The following CFAP20 variants were observed in gnomAD, a reference collection of about 807,000 sequenced individuals.
The protein encoded by CFAP20 is cilia- and flagella-associated protein 20.
Under a neutral mutation model 25.5 loss-of-function variants are expected in CFAP20, and 14 were observed. That is an observed-to-expected ratio of 0.55 (90% confidence interval 0.36 to 0.86). The LOEUF is 0.86. Among genes scored for constraint, CFAP20 ranks in the 40% least tolerant of loss-of-function variants. The pLI is 0.01. For missense variants in CFAP20, 181 were observed against 248.0 expected (o/e 0.73, Z 1.81); for synonymous variants, 75 against 91.1 (o/e 0.82, Z 1.01).
At chr16:58,116,407 A>G (rs995713687) in intron 2 of CFAP20, among the ~76,000 whole-genome samples, 1 of 152,190 alleles carries the variant, frequency 6.6e-6, no homozygotes, top group African/African-American at 2.4e-5. Context: ...TGGATCTTAG[A>G]AGCTCCTCCA....
intron 1 of CFAP20, among the ~76,000 whole-genome samples, chr16:58,118,101 T>C (rs1376111668): frequency 6.6e-6 from 1 of 152,226 alleles, no homozygotes; most frequent in Non-Finnish European, 1.5e-5. Flanking sequence ...CCTCTCAAAA[T>C]ATTTAGGAAA....
intron 1 of CFAP20, among the ~76,000 whole-genome samples, chr16:58,121,346 G>A (rs1960532078): frequency 6.6e-6 from 1 of 152,172 alleles, no homozygotes; most frequent in Non-Finnish European, 1.5e-5. Flanking sequence ...TTGGGATGAA[G>A]ATAAAATGAA....
intron 3 of CFAP20, 136 bp downstream of exon 3, chr16:58,115,905 C>A: frequency 1.6e-6 from 1 of 613,376 alleles, no homozygotes. Context: ...AAGGACTGCA[C>A]TGGGCTTATA....
At chr16:58,125,497 C>A (rs1960599503) in intron 1 of CFAP20, among the ~76,000 whole-genome samples, 1 of 152,052 alleles carries the variant, frequency 6.6e-6, no homozygotes, top group Admixed American at 6.6e-5. Context: ...CCAGCCTGGG[C>A]AACATGGAGA....
At chr16:58,128,862 C>T (rs1245876278) in intron 1 of CFAP20, among the ~76,000 whole-genome samples, 170 bp downstream of exon 1, 1 of 129,622 alleles carries the variant, frequency 7.7e-6, no homozygotes, top group Non-Finnish European at 1.7e-5. Context: ...GCTGCTTACA[C>T]GACGCCCCCA....
intron 1 of CFAP20, among the ~76,000 whole-genome samples, chr16:58,122,195 G>T (rs1458161260): frequency 1.3e-5 from 2 of 152,236 alleles, no homozygotes; most frequent in African/African-American, 4.8e-5. Context: ...TATCCAGACA[G>T]CAGACAAGCA....
At position 58,128,895 on chromosome 16, in the gene CFAP20, G is replaced by C. The variant is rs1960664494; in HGVS notation, c.84+137C>G. 5.2e-5 allele frequency: 31 copies of C among 594,766 alleles called. 1 individual carries two copies. The highest frequency in any genetic ancestry group is 6.9e-5 in the Non-Finnish European group (31 of 449,144). 36.8% of individuals were successfully genotyped at this position (594,766 alleles called of 1,614,324 possible). A position where few individuals can be genotyped will look rare whatever the true frequency, so the allele number is the denominator to read the frequency against. On this transcript the variant is annotated intron_variant, in intron 1 of 5. Transcript: ENST00000262498. ...CCACCTCGCGCCCCAGTCCCGCCAG[G>C]CTGGGGACAAGGCACAGCAGCGTCC...
Position 58,123,357 on chromosome 16 carries a change from G to A in CFAP20, c.84+5675C>T, listed in dbSNP as rs1320772753. On this transcript the variant is annotated intron_variant, in intron 1 of 5. Coordinates refer to ENST00000262498, the MANE Select transcript of CFAP20 (RefSeq NM_013242.3). ...CACGCCTGTAATCCCAACACTTTGG[G>A]AGGCCAAGGCAGGCGGATCACGAGG... Among the ~76,000 whole-genome samples, 6 of 146,700 alleles carry A rather than the reference G, an allele frequency of 4.1e-5. No individual in the cohort carries two copies. In the East Asian group the frequency reaches 1.2e-3, roughly 31 times the overall value.
chr16:58,119,725 T>C (rs958458536), intron 1 of CFAP20, among the ~76,000 whole-genome samples: 5 of 152,244 alleles, frequency 3.3e-5, no homozygotes, highest in Non-Finnish European at 7.3e-5. Flanking sequence ...CACAAAGGCC[T>C]GGGTCTGTGC....
chr16:58,122,289 C>T (rs1455044278), intron 1 of CFAP20, among the ~76,000 whole-genome samples: 1 of 152,172 alleles, frequency 6.6e-6, no homozygotes, highest in Admixed American at 6.5e-5. Context: ...TAATTAAAAC[C>T]CATGTCTTCG....
intron 2 of CFAP20, 143 bp downstream of exon 2, chr16:58,116,729 A>T (rs1597086542): frequency 1.5e-6 from 1 of 667,466 alleles, no homozygotes; most frequent in East Asian, 2.7e-5. Flanking sequence ...TGGGGGATTC[A>T]GTAACTTGCC....
rs1021356739 is a variant in CFAP20 at position 58,113,984 on chromosome 16, G to A, written c.*41C>T. On this transcript the variant is annotated 3_prime_UTR_variant, in exon 6 of 6. Coordinates refer to ENST00000262498, the MANE Select transcript of CFAP20 (RefSeq NM_013242.3). ...CCACATAGTTTCCTTTTAAAAAGAA[G>A]AGTCACATCCAGGGGTCTATCCCTC... is the stretch of plus-strand genomic sequence containing the variant. 1.2e-6 allele frequency: 2 copies of A among 1,600,740 alleles called. No individual in the cohort carries two copies. Among genetic ancestry groups the A allele is most frequent in the Non-Finnish European group, 1.7e-6 (2 of 1,168,284 alleles).
rs1406291922 is a variant in CFAP20, at chr16:58,129,110, G to A, written c.6C>T (p.Phe2=). The A allele has an allele frequency of 1.2e-6, 2 of 1,613,602 alleles. No individual in the cohort carries two copies. The highest frequency in any genetic ancestry group is 1.7e-6 in the Non-Finnish European group (2 of 1,179,856). The part of the protein sequence containing the change: M[F]KNTFQSGFLS... ...GGAAGCCGCTCTGGAACGTGTTTTTGAACATCTCGCCGGCGGCCTTCTCCT... is the reference window on the plus strand; with the variant it reads ...GGAAGCCGCTCTGGAACGTGTTTTTAAACATCTCGCCGGCGGCCTTCTCCT... The change falls in exon 1 of 6, where the codon TTC becomes TTT. Residue 2 remains phenylalanine, a synonymous_variant. Coordinates refer to ENST00000262498, the MANE Select transcript of CFAP20 (RefSeq NM_013242.3).
intron 5 of CFAP20, among the ~76,000 whole-genome samples, chr16:58,114,433 C>G (rs1960428211): frequency 6.6e-6 from 1 of 150,950 alleles, no homozygotes; most frequent in Admixed American, 6.6e-5. Flanking sequence ...GCCTGAGGCA[C>G]AAGAATCCCT....
At chr16:58,126,011 A>T (rs1033315682) in intron 1 of CFAP20, among the ~76,000 whole-genome samples, 12 of 152,226 alleles carry the variant, frequency 7.9e-5, no homozygotes, top group East Asian at 5.8e-4. Flanking sequence ...GTTGCTAAGG[A>T]CTTTATATAC....
chr16:58,114,454 A>G (rs535492089), intron 5 of CFAP20, among the ~76,000 whole-genome samples: 1 of 151,678 alleles, frequency 6.6e-6, no homozygotes, highest in Non-Finnish European at 1.5e-5. Context: ...TGAACCTGGA[A>G]GGCAGAGGTT....
rs190169154 is a variant in CFAP20, at chr16:58,121,456, T to C, written c.85-4505A>G. On this transcript the variant is annotated intron_variant, in intron 1 of 5. Coordinates refer to ENST00000262498, the MANE Select transcript of CFAP20 (RefSeq NM_013242.3). ...ACTGTTTTTGATTTGTTAATTCTTT[T>C]TCATTCATGACACATTCCCACTATC... Among the ~76,000 whole-genome samples, 193 of 152,328 alleles carry C rather than the reference T, an allele frequency of 1.3e-3. 1 individual carries two copies. In the Middle Eastern group the frequency reaches 0.038, roughly 30 times the overall value.
intron 1 of CFAP20, among the ~76,000 whole-genome samples, chr16:58,118,059 TG>T (rs1960483543): frequency 6.6e-6 from 1 of 152,222 alleles, no homozygotes; most frequent in Non-Finnish European, 1.5e-5. Context: ...AGGTAGATGA[TG>T]GGGAGGAATC....
chr16:58,114,309 C>A (rs1370273246), intron 5 of CFAP20, among the ~76,000 whole-genome samples: 2 of 152,190 alleles, frequency 1.3e-5, no homozygotes, highest in Non-Finnish European at 2.9e-5. Context: ...AGGCGGATCA[C>A]TTGAGGTCAG....
Sources: allele counts gnomAD v4.1 joint callset (sites outside exome capture counted in the v4.1 genomes callset), GRCh38; gene constraint gnomAD v4.1.1; transcripts MANE v1.5; gene names NCBI Gene and HGNC (gene_info 2026-07-23, HGNC 2026-07-21).